The following OR4E1 variants were observed in gnomAD, a reference collection of about 807,000 sequenced individuals.
OR4E1 encodes olfactory receptor family 4 subfamily E member 1, also known as olfactory receptor 4E1.
intron 1 of OR4E1, among the ~76,000 whole-genome samples, chr14:21,672,636 T>A (rs904103041): frequency 1.3e-5 from 2 of 152,188 alleles, no homozygotes; most frequent in African/African-American, 4.8e-5. Flanking sequence ...TTTTATTCAG[T>A]ATGGGAAATT....
rs998523879 is a variant in OR4E1 at position 21,668,114 on chromosome 14, G to A, written c.*1874C>T. On this transcript the variant is annotated 3_prime_UTR_variant, in exon 2 of 2. Transcript: ENST00000641792. ...GAAAAAAATAAGCAAACATCACAAC[G>A]TTGTTCCGTTATAGTTTTACCAGCT... is the stretch of plus-strand genomic sequence containing the variant. The A allele has an allele frequency of 2.0e-5, 3 of 152,558 alleles. No homozygotes were observed. The highest frequency in any genetic ancestry group is 2.0e-4 in the Admixed American group (3 of 15,276). 9.5% of individuals were successfully genotyped at this position (152,558 alleles called of 1,614,324 possible).
rs1466107776 is a variant in OR4E1 at position 21,673,759 on chromosome 14, T to G, written c.-687A>C. 1 of 152,202 alleles carries G rather than the reference T, an allele frequency of 6.6e-6. No individual in the cohort carries two copies. Among genetic ancestry groups the G allele is most frequent in the Non-Finnish European group, 1.5e-5 (1 of 68,040 alleles). The allele number at this position is 152,202 out of a possible 1,614,324, so 9.4% of individuals were successfully genotyped here. On this transcript the variant is annotated 5_prime_UTR_variant, in exon 1 of 2. Transcript: ENST00000641792. The stretch of plus-strand genomic sequence containing the variant: ...CACTGTTTAGGTGCAAGTTTTGTAT[T>G]GCCAGTTTCAGGTGGATTATTCCAC...
chr14:21,668,057 CG>C lies in OR4E1; in HGVS notation c.*1930del, dbSNP rs1276386856. On this transcript the variant is annotated 3_prime_UTR_variant, in exon 2 of 2. Coordinates refer to ENST00000641792, the MANE Select transcript of OR4E1 (RefSeq NM_001317107.2). ...GTTGAAAAATTAGTGTGACTAAAAA[CG>C]GGTAGTGTCAGAAATTTTGCTTGCT... The C allele has an allele frequency of 3.3e-5, 5 of 152,348 alleles. No homozygotes were observed. The highest frequency in any genetic ancestry group is 2.0e-4 in the Admixed American group (3 of 15,254). The allele number at this position is 152,348 out of a possible 1,614,324, so 9.4% of individuals were successfully genotyped here.
chr14:21,668,097 T>C lies in OR4E1; in HGVS notation c.*1891A>G, dbSNP rs1225519236. The C allele has an allele frequency of 6.6e-6, 1 of 152,490 alleles. No individual in the cohort carries two copies. Among genetic ancestry groups the C allele is most frequent in the Non-Finnish European group, 1.5e-5 (1 of 68,004 alleles). The allele number at this position is 152,490 out of a possible 1,614,324, so 9.4% of individuals were successfully genotyped here. A position where few individuals can be genotyped will look rare whatever the true frequency, so the allele number is the denominator to read the frequency against. ...ATTTTGCTTGCTGCTATGAAAAAAA[T>C]AAGCAAACATCACAACGTTGTTCCG... On this transcript the variant is annotated 3_prime_UTR_variant, in exon 2 of 2. Coordinates refer to ENST00000641792, the MANE Select transcript of OR4E1 (RefSeq NM_001317107.2).
rs151166154 is a variant in OR4E1, at chr14:21,671,205, G to A, written c.-17-253C>T. Among the ~76,000 whole-genome samples the A allele has an allele frequency of 2.3e-3, 356 of 152,200 alleles. 5 individuals are homozygous for A. Among genetic ancestry groups the A allele is most frequent in the South Asian group, 0.021 (99 of 4,812 alleles). On this transcript the variant is annotated intron_variant, in intron 1 of 1. Coordinates refer to ENST00000641792, the MANE Select transcript of OR4E1 (RefSeq NM_001317107.2). ...GAGATATAAAACAATCTTGAAGAGG[G>A]AGAGAGAGAGGGAAAGACCAAACAA... is the stretch of plus-strand genomic sequence containing the variant.
At chr14:21,672,248 C>A (rs1281684155) in intron 1 of OR4E1, among the ~76,000 whole-genome samples, 1 of 152,180 alleles carries the variant, frequency 6.6e-6, no homozygotes, top group Non-Finnish European at 1.5e-5. Context: ...GTTGCTTGGG[C>A]CCCATGATCC....
In OR4E1 at chr14:21,670,857, C is replaced by A; in HGVS notation, c.79G>T (p.Ala27Ser). The change falls in exon 2 of 2, where the codon GCA becomes TCA. Residue 27 changes from alanine to serine, a missense_variant. Coordinates refer to ENST00000641792, the MANE Select transcript of OR4E1 (RefSeq NM_001317107.2). Reference protein sequence around the residue: ...RLRGLSVNHKARIAMFSMFLI... With the variant: ...RLRGLSVNHKSRIAMFSMFLI... Reference sequence around the variant, plus strand: ...AACATGGAAAACATAGCTATCCGTGCCTTATGATTTACAGATAAACCTCTA... The same window carrying A: ...AACATGGAAAACATAGCTATCCGTGACTTATGATTTACAGATAAACCTCTA... 2 of 398,960 alleles carry A rather than the reference C, an allele frequency of 5.0e-6. No individual in the cohort carries two copies. The highest frequency in any genetic ancestry group is 8.8e-6 in the Non-Finnish European group (2 of 226,074). 24.7% of individuals were successfully genotyped at this position (398,960 alleles called of 1,614,324 possible).
At position 21,673,374 on chromosome 14, in the gene OR4E1, T is replaced by C. The variant is rs1881054591; in HGVS notation, c.-302A>G. 6.6e-6 allele frequency: 1 copy of C among 151,810 alleles called. No homozygotes were observed. The highest frequency in any genetic ancestry group is 2.1e-4 in the South Asian group (1 of 4,810). The allele number at this position is 151,810 out of a possible 1,614,324, so 9.4% of individuals were successfully genotyped here. On this transcript the variant is annotated 5_prime_UTR_variant, in exon 1 of 2. Coordinates refer to ENST00000641792, the MANE Select transcript of OR4E1 (RefSeq NM_001317107.2). ...ATGTTTTCACTTTTCCAGATTGTAG[T>C]GGTGAGTAGAGGAGATTAAAAGCCA... is the stretch of plus-strand genomic sequence containing the variant.
rs1845356504 is a variant in OR4E1 at position 21,668,692 on chromosome 14, C to A, written c.*1296G>T. 6.6e-6 allele frequency: 1 copy of A among 152,138 alleles called. No homozygotes were observed. Among genetic ancestry groups the A allele is most frequent in the South Asian group, 2.1e-4 (1 of 4,836 alleles). The allele number at this position is 152,138 out of a possible 1,614,324, so 9.4% of individuals were successfully genotyped here. ...GGTTTATCCAACTTGGTGTTTTCTA[C>A]CAAGTTTCTACCAAGTTGTTTTCTA... On this transcript the variant is annotated 3_prime_UTR_variant, in exon 2 of 2. Transcript: ENST00000641792.
At chr14:21,672,783 T>C (rs1389941336) in intron 1 of OR4E1, among the ~76,000 whole-genome samples, 1 of 152,188 alleles carries the variant, frequency 6.6e-6, no homozygotes, top group African/African-American at 2.4e-5. Flanking sequence ...TCTATTTCTG[T>C]GGAGCCACAG....
chr14:21,670,764 G>A lies in OR4E1; in HGVS notation c.172C>T (p.Arg58Trp), dbSNP rs940229319. 5.7e-5 allele frequency: 23 copies of A among 401,004 alleles called. No homozygotes were observed. Among genetic ancestry groups the A allele is most frequent in the South Asian group, 1.3e-4 (1 of 7,886 alleles). 24.8% of individuals were successfully genotyped at this position (401,004 alleles called of 1,614,324 possible). A position where few individuals can be genotyped will look rare whatever the true frequency, so the allele number is the denominator to read the frequency against. ...AAGAAATACATGGGAGTATGGAGCC[G>A]GTGGTCATAGATAATAGTTATGACA... The part of the protein sequence containing the change: ...LIVITIIYDH[R>W]LHTPMYFFLS... Residue 58 changes from arginine (R) to tryptophan (W), a missense_variant, in exon 2 of 2, where the codon CGG becomes TGG. Arg to Trp is a moderately radical substitution (Grantham distance 101). Transcript: ENST00000641792.
intron 1 of OR4E1, among the ~76,000 whole-genome samples, chr14:21,671,280 T>C (rs141366630): frequency 4.1e-4 from 63 of 152,368 alleles, no homozygotes; most frequent in Middle Eastern, 3.4e-3. Flanking sequence ...ATTTAGGTTA[T>C]GGATTTTTAC....
chr14:21,671,435 C>T (rs1454713760), intron 1 of OR4E1, among the ~76,000 whole-genome samples: 1 of 152,164 alleles, frequency 6.6e-6, no homozygotes, highest in Non-Finnish European at 1.5e-5. Flanking sequence ...CAGCTGTTGG[C>T]TTTGCCATGG....
chr14:21,672,635 G>C lies in OR4E1; in HGVS notation c.-18+455C>G, dbSNP rs147396041. ...AAGAATGGGGCTAGGATTTTATTCA[G>C]TATGGGAAATTTCACCTGCACAGAC... On this transcript the variant is annotated intron_variant, in intron 1 of 1. Coordinates refer to ENST00000641792, the MANE Select transcript of OR4E1 (RefSeq NM_001317107.2). Among the ~76,000 whole-genome samples, 7 of 152,298 alleles carry C rather than the reference G, an allele frequency of 4.6e-5. 1 individual carries two copies. In the East Asian group the frequency reaches 1.4e-3, roughly 29 times the overall value.
intron 1 of OR4E1, 34 bp downstream of exon 1, chr14:21,673,056 T>A (rs1355642237): frequency 6.6e-6 from 1 of 152,178 alleles, no homozygotes; most frequent in Non-Finnish European, 1.5e-5. Context: ...TAACAACTTA[T>A]TTGAAGTTGG....
Position 21,668,809 on chromosome 14 carries a change from A to G in OR4E1, c.*1179T>C, listed in dbSNP as rs1293773136. The G allele has an allele frequency of 6.6e-6, 1 of 152,238 alleles. No homozygotes were observed. The highest frequency in any genetic ancestry group is 1.9e-4 in the East Asian group (1 of 5,196). 9.4% of individuals were successfully genotyped at this position (152,238 alleles called of 1,614,324 possible). ...AGTTGAGTGAATTCTCTACATAATA[A>G]CTAAAATAATTTTATTAAAACATAA... On this transcript the variant is annotated 3_prime_UTR_variant, in exon 2 of 2. Transcript: ENST00000641792.
rs145046189 is a variant in OR4E1 at position 21,670,732 on chromosome 14, G to A, written c.204C>T (p.Ser68=). 15 of 402,118 alleles carry A rather than the reference G, an allele frequency of 3.7e-5. No individual in the cohort carries two copies. Among genetic ancestry groups the A allele is most frequent in the Non-Finnish European group, 6.6e-5 (15 of 226,332 alleles). 24.9% of individuals were successfully genotyped at this position (402,118 alleles called of 1,614,324 possible). ...RLHTPMYFFL[S]NLSFIDVCHS... is the part of the protein sequence containing the mutation. ...GGCAGACATCAATAAAGGACAGGTT[G>A]CTGAGGAAGAAATACATGGGAGTAT... The change falls in exon 2 of 2, where the codon AGC becomes AGT. Residue 68 remains serine, a synonymous_variant. Coordinates refer to ENST00000641792, the MANE Select transcript of OR4E1 (RefSeq NM_001317107.2).
In OR4E1 at chr14:21,670,598, C is replaced by T. The variant is rs548682648; in HGVS notation, c.338G>A (p.Cys113Tyr). The change falls in exon 2 of 2, where the codon TGC becomes TAC. Residue 113 changes from cysteine (C) to tyrosine (Y), a missense_variant. Cys to Tyr is a radical substitution (Grantham distance 194). Transcript: ENST00000641792. ...GACGGTGAGGAGGAAGATCTCTGTG[C>T]AGGCAAAGAGGTGCAGGAAGAACAT... ...TQMFFLHLFA[C>Y]TEIFLLTVMA... The T allele has an allele frequency of 1.2e-5, 5 of 400,872 alleles. No homozygotes were observed. The highest frequency in any genetic ancestry group is 4.1e-5 in the African/African-American group (2 of 48,626). 24.8% of individuals were successfully genotyped at this position (400,872 alleles called of 1,614,324 possible).
Position 21,670,043 on chromosome 14 carries a change from A to G in OR4E1, c.893T>C (p.Met298Thr), listed in dbSNP as rs944284971. Residue 298 changes from methionine to threonine, a missense_variant, in exon 2 of 2, where the codon ATG (methionine) becomes ACG (threonine). Met to Thr is a moderately conservative substitution (Grantham distance 81). Transcript: ENST00000641792. ...CACTAACTTGTTTAAGGCACTCTTC[A>G]TTTCTTCATTCCTAAGGGTATAGAT... ...PIIYTLRNEE[M>T]KSALNKLVGR... 4.0e-5 allele frequency: 16 copies of G among 398,238 alleles called. No homozygotes were observed. The highest frequency in any genetic ancestry group is 5.8e-5 in the Non-Finnish European group (13 of 226,064). 24.7% of individuals were successfully genotyped at this position (398,238 alleles called of 1,614,324 possible).
Sources: allele counts gnomAD v4.1 joint callset (sites outside exome capture counted in the v4.1 genomes callset), GRCh38; gene constraint gnomAD v4.1.1; transcripts MANE v1.5; gene names NCBI Gene and HGNC (gene_info 2026-07-23, HGNC 2026-07-21).